Variants in ZFAT observed in about 807,000 individuals in gnomAD.
The protein encoded by ZFAT is zinc finger protein ZFAT.
Under a neutral mutation model 117.7 loss-of-function variants are expected in ZFAT, and 64 were observed. The observed-to-expected ratio is 0.54, with a 90% CI of 0.44 to 0.67. ZFAT has a LOEUF of 0.67. ZFAT is among the 30% of genes least tolerant of loss of function. The pLI is 0.00. For synonymous variants in ZFAT, 679 were observed against 615.0 expected (o/e 1.10, Z -1.54); for missense variants, 1,433 against 1,584.5 (o/e 0.90, Z 1.62).
At chr8:134,793,038 G>C in the ZFAT span, 1 of 152,190 alleles carries the variant, frequency 6.6e-6, no homozygotes. Flanking sequence ...GGTGGGTTGA[G>C]AATGTGGCCA....
At chr8:134,616,667 G>A (rs1038411051) in intron 3 of ZFAT, among the ~76,000 whole-genome samples, 2 of 152,106 alleles carry the variant, frequency 1.3e-5, no homozygotes, top group African/African-American at 4.8e-5. Context: ...CATAGCTGTC[G>A]ATGGGTTTTG....
chr8:134,479,879 G>A (rs1055552894), intron 15 of ZFAT, among the ~76,000 whole-genome samples: 12 of 152,044 alleles, frequency 7.9e-5, no homozygotes, highest in African/African-American at 2.7e-4. Context: ...TGGGAGAATG[G>A]AAGGAGATTC....
chr8:134,560,299 G>A (rs1366012351), intron 11 of ZFAT, among the ~76,000 whole-genome samples: 1 of 151,804 alleles, frequency 6.6e-6, no homozygotes, highest in Admixed American at 6.6e-5. Flanking sequence ...TGTCTCTCAC[G>A]ACAGCATTTT....
At chr8:134,555,836 G>C (rs1047784312) in intron 11 of ZFAT, among the ~76,000 whole-genome samples, 2 of 151,558 alleles carry the variant, frequency 1.3e-5, no homozygotes, top group Non-Finnish European at 2.9e-5. Flanking sequence ...TAAAAAACAT[G>C]TGTGAACAGA....
the ZFAT span, among the ~76,000 whole-genome samples, chr8:134,775,092 T>C: frequency 2.0e-5 from 3 of 152,160 alleles, no homozygotes; most frequent in Non-Finnish European, 4.4e-5. Context: ...CACTCCAGCC[T>C]GGGTGACAGA....
At chr8:134,511,436 C>T (rs1370079499) in intron 14 of ZFAT, among the ~76,000 whole-genome samples, 1 of 152,204 alleles carries the variant, frequency 6.6e-6, no homozygotes, top group South Asian at 2.1e-4. Context: ...GGCACTGCCT[C>T]CTGAATTCCC....
intron 1 of ZFAT, among the ~76,000 whole-genome samples, chr8:134,664,155 C>A (rs1832085188): frequency 6.6e-6 from 1 of 151,692 alleles, no homozygotes; most frequent in Admixed American, 6.6e-5. Context: ...CCTATGAACA[C>A]TCCCTCATTC....
intron 15 of ZFAT, among the ~76,000 whole-genome samples, chr8:134,487,312 G>A (rs1264899601): frequency 6.6e-6 from 1 of 152,094 alleles, no homozygotes; most frequent in Non-Finnish European, 1.5e-5. Context: ...TTCTCATAAT[G>A]ACCTGAAAAG....
At chr8:134,537,600 C>A (rs1351796775) in intron 11 of ZFAT, among the ~76,000 whole-genome samples, 2 of 152,092 alleles carry the variant, frequency 1.3e-5, no homozygotes, top group African/African-American at 4.8e-5. Context: ...AAAATGGGAG[C>A]CCCTGGTAGG....
At chr8:134,644,714 C>G (rs958529104) in intron 2 of ZFAT, among the ~76,000 whole-genome samples, 1 of 152,076 alleles carries the variant, frequency 6.6e-6, no homozygotes, top group Non-Finnish European at 1.5e-5. Flanking sequence ...GCCCACGACA[C>G]ACAGCACACT....
chr8:134,483,850 T>C (rs1817483649), intron 15 of ZFAT, among the ~76,000 whole-genome samples: 2 of 152,202 alleles, frequency 1.3e-5, no homozygotes, highest in Admixed American at 1.3e-4. Context: ...TGAGACCCCA[T>C]GTCTTCCTTG....
At chr8:134,661,626 C>T (rs774634902) in intron 1 of ZFAT, among the ~76,000 whole-genome samples, 8 of 152,170 alleles carry the variant, frequency 5.3e-5, no homozygotes, top group African/African-American at 7.2e-5. Context: ...TGGCCCAAGA[C>T]GGGTGGGACT....
At chr8:134,536,370 C>T (rs961266170) in intron 11 of ZFAT, among the ~76,000 whole-genome samples, 4 of 152,168 alleles carry the variant, frequency 2.6e-5, no homozygotes, top group African/African-American at 7.2e-5. Flanking sequence ...CACTGCTGAC[C>T]AGTGCAGGGG....
At chr8:134,676,408 T>C (rs1832805680) in intron 1 of ZFAT, among the ~76,000 whole-genome samples, 1 of 152,148 alleles carries the variant, frequency 6.6e-6, no homozygotes, top group Middle Eastern at 3.2e-3. Context: ...ATCCTAAATA[T>C]ATACGCACCC....
rs751254728 is a variant in ZFAT, at chr8:134,532,986, G to T, written c.2977-14C>A. On this transcript the variant is annotated splice_polypyrimidine_tract_variant and intron_variant, in intron 11 of 15. Coordinates refer to ENST00000377838, the MANE Select transcript of ZFAT (RefSeq NM_020863.4). ...ACAGCGGAAAGGCTGCGGGGACAATGAGGAGGGGTTAGGAAAGGTGAGCCC... is the reference window on the plus strand; with the variant it reads ...ACAGCGGAAAGGCTGCGGGGACAATTAGGAGGGGTTAGGAAAGGTGAGCCC... 1 of 1,592,300 alleles carries T rather than the reference G, an allele frequency of 6.3e-7. No individual in the cohort carries two copies. Among genetic ancestry groups the T allele is most frequent in the South Asian group, 1.1e-5 (1 of 87,272 alleles).
intron 1 of ZFAT, among the ~76,000 whole-genome samples, chr8:134,677,059 G>A (rs201061344): frequency 3.3e-5 from 5 of 151,922 alleles, no homozygotes; most frequent in African/African-American, 7.3e-5. Flanking sequence ...AAACAAATTC[G>A]AAAGCTAGCA....
At chr8:134,669,022 T>C (rs1201394562) in intron 1 of ZFAT, among the ~76,000 whole-genome samples, 2 of 151,958 alleles carry the variant, frequency 1.3e-5, no homozygotes, top group African/African-American at 4.8e-5. Context: ...ATCAAATGAA[T>C]GAAATGAAGT....
At chr8:134,782,150 C>T in the ZFAT span, among the ~76,000 whole-genome samples, 1 of 152,280 alleles carries the variant, frequency 6.6e-6, no homozygotes, top group East Asian at 1.9e-4. Flanking sequence ...GAAAACTAAC[C>T]CCTGCAAAGG....
intron 3 of ZFAT, among the ~76,000 whole-genome samples, chr8:134,621,652 C>G (rs1406396709): frequency 6.6e-6 from 1 of 152,034 alleles, no homozygotes; most frequent in Non-Finnish European, 1.5e-5. Flanking sequence ...CTGGCAGGAG[C>G]TTTTTCCTGC....
Sources: gnomAD v4.1 joint callset for allele counts (sites outside exome capture counted in the v4.1 genomes callset) on GRCh38, gnomAD v4.1.1 for gene constraint, MANE v1.5 for transcripts, NCBI Gene and HGNC (gene_info 2026-07-23, HGNC 2026-07-21) for gene names.